Variants in C7orf33 observed in about 807,000 individuals in gnomAD.
C7orf33 encodes uncharacterized protein C7orf33.
In C7orf33, 15 loss-of-function variants were observed where a neutral mutation model predicts 13.4. The ratio of observed to expected loss-of-function variants is 1.12; its 90% CI spans 0.75 to 1.72. The LOEUF (loss-of-function observed/expected upper bound fraction) is 1.72. C7orf33 is among the 40% of genes most tolerant of loss of function. The pLI is 0.00. For missense variants in C7orf33, 187 were observed against 220.3 expected, an observed-to-expected ratio of 0.85 and a Z score of 0.96; for synonymous variants, 73 against 83.2, an observed-to-expected ratio of 0.88 and a Z score of 0.67.
intron 1 of C7orf33, among the ~76,000 whole-genome samples, chr7:148,595,424 G>A (rs1346992260): frequency 8.0e-6 from 1 of 124,244 alleles, no homozygotes; most frequent in Non-Finnish European, 1.6e-5. Context: ...ATATTATATA[G>A]ATATATCTAT....
intron 1 of C7orf33, among the ~76,000 whole-genome samples, chr7:148,594,278 C>A (rs980391377): frequency 3.3e-5 from 5 of 151,148 alleles, no homozygotes; most frequent in African/African-American, 1.2e-4. Context: ...CGGGTTCGTG[C>A]CATTCTCCTG....
chr7:148,595,685 C>A (rs558802244), intron 1 of C7orf33, among the ~76,000 whole-genome samples: 2 of 89,608 alleles, frequency 2.2e-5, no homozygotes, highest in African/African-American at 7.3e-5. Context: ...TAATATAGAT[C>A]TATATTATAT....
intron 1 of C7orf33, 121 bp downstream of exon 1, chr7:148,591,250 T>A: frequency 2.4e-6 from 2 of 842,822 alleles, no homozygotes; most frequent in Non-Finnish European, 3.8e-6. Context: ...GAACTGGGCT[T>A]AACGACATTG....
intron 1 of C7orf33, among the ~76,000 whole-genome samples, chr7:148,610,421 G>A (rs1260771061): frequency 5.9e-5 from 9 of 152,102 alleles, no homozygotes; most frequent in Admixed American, 4.6e-4. Context: ...TCTTTCTCCC[G>A]TGCTCGATGC....
chr7:148,599,019 C>T (rs995286743), intron 1 of C7orf33, among the ~76,000 whole-genome samples: 1 of 151,694 alleles, frequency 6.6e-6, no homozygotes, highest in Non-Finnish European at 1.5e-5. Context: ...CTTGCCACCA[C>T]ACCTGGCTAA....
At chr7:148,592,399 A>T (rs1485420242) in intron 1 of C7orf33, among the ~76,000 whole-genome samples, 2 of 152,244 alleles carry the variant, frequency 1.3e-5, no homozygotes, top group African/African-American at 4.8e-5. Flanking sequence ...GATGAATATA[A>T]ATGATAATCA....
intron 1 of C7orf33, among the ~76,000 whole-genome samples, chr7:148,599,151 C>A (rs915548306): frequency 6.6e-6 from 1 of 152,078 alleles, no homozygotes; most frequent in Non-Finnish European, 1.5e-5. Context: ...GTATGAGCCA[C>A]TGCCCCTGGC....
chr7:148,593,520 CTCCCAA>C, intron 1 of C7orf33, among the ~76,000 whole-genome samples: 1 of 152,182 alleles, frequency 6.6e-6, no homozygotes, highest in Non-Finnish European at 1.5e-5. Flanking sequence ...TTGCCTCAGC[CTCCCAA>C]AGTGCTGGGA....
chr7:148,597,954 A>G (rs1241045214), intron 1 of C7orf33, among the ~76,000 whole-genome samples: 1 of 151,940 alleles, frequency 6.6e-6, no homozygotes, highest in African/African-American at 2.4e-5. Flanking sequence ...ATGGGGTTTC[A>G]CTGTGTTAGC....
At chr7:148,594,261 C>T (rs1796303196) in intron 1 of C7orf33, among the ~76,000 whole-genome samples, 1 of 151,304 alleles carries the variant, frequency 6.6e-6, no homozygotes, top group African/African-American at 2.4e-5. Context: ...CTGCAAGCTC[C>T]GCCTCCCGGG....
chr7:148,594,861 T>C (rs773338129), intron 1 of C7orf33, among the ~76,000 whole-genome samples: 1 of 152,124 alleles, frequency 6.6e-6, no homozygotes, highest in African/African-American at 2.4e-5. Context: ...TCTATGTTAA[T>C]GTTATGGTTC....
intron 1 of C7orf33, among the ~76,000 whole-genome samples, chr7:148,594,716 A>G (rs1796309169): frequency 6.6e-6 from 1 of 152,186 alleles, no homozygotes; most frequent in Admixed American, 6.5e-5. Context: ...TGGTTTAGGG[A>G]AAATATGATG....
chr7:148,610,669 G>C (rs1364419775), intron 1 of C7orf33, among the ~76,000 whole-genome samples: 1 of 152,112 alleles, frequency 6.6e-6, no homozygotes, highest in Non-Finnish European at 1.5e-5. Context: ...CAAATTATGA[G>C]GAATGGCAGC....
chr7:148,595,984 G>T (rs930462567), intron 1 of C7orf33, among the ~76,000 whole-genome samples: 1 of 151,630 alleles, frequency 6.6e-6, no homozygotes, highest in African/African-American at 2.4e-5. Context: ...CTACAAAATT[G>T]CAACAGGTTG....
chr7:148,596,176 A>G (rs1796336240), intron 1 of C7orf33, among the ~76,000 whole-genome samples: 1 of 152,226 alleles, frequency 6.6e-6, no homozygotes, highest in Admixed American at 6.5e-5. Context: ...TTAGGTTCAC[A>G]GTAAAACTGA....
intron 1 of C7orf33, among the ~76,000 whole-genome samples, chr7:148,598,757 TATATATAGAG>T (rs1387872411): frequency 3.5e-3 from 146 of 41,184 alleles, no homozygotes; most frequent in Non-Finnish European, 4.2e-3. Flanking sequence ...TATATATATA[TATATATAGAG>T]AGAGAGAGAG....
chr7:148,615,417 T>G lies in C7orf33; in HGVS notation c.*16T>G, dbSNP rs1422773313. ...CAGCAGTTAAGAATTTTGCAGAATCTAAGAGTCACATCTCTAAATTTGTGT... is the reference window on the plus strand; with the variant it reads ...CAGCAGTTAAGAATTTTGCAGAATCGAAGAGTCACATCTCTAAATTTGTGT... On this transcript the variant is annotated 3_prime_UTR_variant, in exon 3 of 3. Coordinates refer to ENST00000307003, the MANE Select transcript of C7orf33 (RefSeq NM_145304.4). 6.5e-7 allele frequency: 1 copy of G among 1,532,404 alleles called. No individual in the cohort carries two copies. Among genetic ancestry groups the G allele is most frequent in the East Asian group, 2.2e-5 (1 of 44,464 alleles). 94.9% of individuals were successfully genotyped at this position (1,532,404 alleles called of 1,614,324 possible).
intron 1 of C7orf33, among the ~76,000 whole-genome samples, chr7:148,597,736 T>TTTGTTTTGTTTTG (rs1480312199): frequency 8.8e-6 from 1 of 113,748 alleles, no homozygotes; most frequent in Non-Finnish European, 1.8e-5. Context: ...CTGCATTTGT[T>TTTGTTTTGTTTTG]TTGTTTTGTT....
At position 148,590,910 on chromosome 7, in the gene C7orf33, A is replaced by G; in HGVS notation, c.-16A>G. The G allele has an allele frequency of 6.2e-7, 1 of 1,612,670 alleles. No individual in the cohort carries two copies. Among genetic ancestry groups the G allele is most frequent in the Non-Finnish European group, 8.5e-7 (1 of 1,178,672 alleles). ...CTCCTTGACAGCATCCAGGAAAGGT[A>G]ATTACCTTTGCCAAAATGCAAGTGG... is the stretch of plus-strand genomic sequence containing the variant. On this transcript the variant is annotated 5_prime_UTR_variant, in exon 1 of 3. Coordinates refer to ENST00000307003, the MANE Select transcript of C7orf33 (RefSeq NM_145304.4).
Sources: allele counts gnomAD v4.1 joint callset (sites outside exome capture counted in the v4.1 genomes callset), GRCh38; gene constraint gnomAD v4.1.1; transcripts MANE v1.5; gene names NCBI Gene and HGNC (gene_info 2026-07-23, HGNC 2026-07-21).